The following PDE4D variants were observed in gnomAD, a reference collection of about 807,000 sequenced individuals.
PDE4D encodes the protein phosphodiesterase 4D.
A neutral mutation model predicts 87.4 loss-of-function variants in PDE4D; 24 were observed. The observed-to-expected ratio is 0.27, with a 90% confidence interval of 0.20 to 0.39. The LOEUF is 0.39. PDE4D is among the 10% of genes least tolerant of loss of function. The pLI, the probability that PDE4D is intolerant of heterozygous loss-of-function variation, is 1.00. For synonymous variants in PDE4D, 384 were observed against 383.2 expected (o/e 1.00, Z -0.02); for missense variants, 714 against 1,041.0 (o/e 0.69, Z 4.32).
chr5:59,766,654 G>C (rs1762835426), intron 1 of PDE4D, among the ~76,000 whole-genome samples: 1 of 152,196 alleles, frequency 6.6e-6, no homozygotes, highest in African/African-American at 2.4e-5. Flanking sequence ...CGGAAATTCT[G>C]GTCCTGGCTC....
chr5:60,422,940 G>C (rs987753866), intron 1 of PDE4D, among the ~76,000 whole-genome samples: 2 of 152,150 alleles, frequency 1.3e-5, no homozygotes, highest in Non-Finnish European at 2.9e-5. Flanking sequence ...GATCAGAAGA[G>C]ACAAAGAAAG....
upstream of PDE4D, among the ~76,000 whole-genome samples, chr5:60,492,729 C>T (rs1006195043): frequency 2.7e-4 from 41 of 151,892 alleles, no homozygotes; most frequent in African/African-American, 8.0e-4. Context: ...ACATCACACA[C>T]GAGGGCCTGT....
Position 59,488,166 on chromosome 5 carries a change from CAAAAAAA to C in PDE4D, c.456-272205_456-272199del, listed in dbSNP as rs529078753. ...TAAATCTTCTGACATCATCAAGAGC[CAAAAAAA>C]AAAAAAAAAAAAAAATGTGTAACTG... On this transcript the variant is annotated intron_variant, in intron 1 of 14. Transcript: ENST00000340635. Among the ~76,000 whole-genome samples, 518 of 107,330 alleles carry C rather than the reference CAAAAAAA, an allele frequency of 4.8e-3. 1 individual carries two copies. Among genetic ancestry groups the C allele is most frequent in the African/African-American group, 0.011 (353 of 32,832 alleles). 70.4% of individuals were successfully genotyped at this position (107,330 alleles called of 152,430 possible).
intron 1 of PDE4D, among the ~76,000 whole-genome samples, chr5:59,514,230 C>T (rs1247314925): frequency 2.6e-5 from 4 of 151,762 alleles, no homozygotes; most frequent in African/African-American, 4.8e-5. Flanking sequence ...CTCAGCCTCC[C>T]GAGTAGCTGG....
chr5:59,909,536 A>T (rs978185471), intron 3 of PDE4D, among the ~76,000 whole-genome samples: 2 of 152,004 alleles, frequency 1.3e-5, no homozygotes, highest in Admixed American at 1.3e-4. Flanking sequence ...GCGGGATTAC[A>T]GGCACACACC....
intron 3 of PDE4D, among the ~76,000 whole-genome samples, chr5:59,944,661 G>T (rs970750061): frequency 1.3e-5 from 2 of 151,480 alleles, no homozygotes; most frequent in East Asian, 3.9e-4. Context: ...GTGAGCCACC[G>T]CACCCAGCAG....
intron 1 of PDE4D, among the ~76,000 whole-genome samples, chr5:60,482,960 C>T (rs145153768): frequency 0.01 from 1,587 of 152,164 alleles, 21 homozygotes; most frequent in South Asian, 0.046. Context: ...TATATATTGT[C>T]AGTACATCCT....
At chr5:59,556,288 T>C (rs1333450372) in intron 1 of PDE4D, among the ~76,000 whole-genome samples, 2 of 152,298 alleles carry the variant, frequency 1.3e-5, no homozygotes, top group African/African-American at 4.8e-5. Context: ...TTACATTTTT[T>C]ATTCAAATTC....
chr5:60,228,046 A>G (rs1745338163), intron 1 of PDE4D, among the ~76,000 whole-genome samples: 1 of 151,966 alleles, frequency 6.6e-6, no homozygotes, highest in Non-Finnish European at 1.5e-5. Context: ...CCCATTGCCC[A>G]TCACTTTACT....
chr5:59,224,122 C>CAA (rs762239197), intron 1 of PDE4D, among the ~76,000 whole-genome samples: 981 of 21,868 alleles, frequency 0.045, 94 homozygotes, highest in Non-Finnish European at 0.073. Context: ...CCTGTTTCTA[C>CAA]AAAAAAAAAA....
chr5:60,341,105 A>G (rs1273154741), intron 1 of PDE4D, among the ~76,000 whole-genome samples: 2 of 151,932 alleles, frequency 1.3e-5, no homozygotes, highest in Non-Finnish European at 2.9e-5. Context: ...CAATATCTTG[A>G]AACTGTTCTG....
chr5:60,060,004 G>C (rs1771216638), intron 2 of PDE4D, among the ~76,000 whole-genome samples: 1 of 151,670 alleles, frequency 6.6e-6, no homozygotes, highest in Non-Finnish European at 1.5e-5. Context: ...TAGCTCATCA[G>C]GCATCTAAAG....
chr5:60,419,097 T>C (rs977198387), intron 1 of PDE4D, among the ~76,000 whole-genome samples: 3 of 152,188 alleles, frequency 2.0e-5, no homozygotes, highest in African/African-American at 7.2e-5. Flanking sequence ...TTTAACTAAG[T>C]AACAAATGTG....
intron 1 of PDE4D, among the ~76,000 whole-genome samples, chr5:59,264,328 C>A (rs563234049): frequency 6.6e-6 from 1 of 152,002 alleles, no homozygotes; most frequent in Admixed American, 6.6e-5. Context: ...TTAAACAATG[C>A]AGACTGTCTA....
intron 5 of PDE4D, among the ~76,000 whole-genome samples, chr5:59,171,992 T>A (rs367686106): frequency 6.7e-5 from 5 of 74,340 alleles, no homozygotes; most frequent in African/African-American, 3.7e-4. Context: ...TAAATATATA[T>A]TATATATATA....
chr5:60,175,344 T>A (rs1456718482), intron 2 of PDE4D, among the ~76,000 whole-genome samples: 2 of 152,178 alleles, frequency 1.3e-5, no homozygotes, highest in Non-Finnish European at 2.9e-5. Flanking sequence ...ACCTTTTCCT[T>A]TAGAACCTTT....
At chr5:59,324,331 T>A (rs1434784226) in intron 1 of PDE4D, among the ~76,000 whole-genome samples, 1 of 152,070 alleles carries the variant, frequency 6.6e-6, no homozygotes, top group Non-Finnish European at 1.5e-5. Context: ...CCAGTGAAAT[T>A]CAAATATCCA....
intron 1 of PDE4D, among the ~76,000 whole-genome samples, chr5:59,461,635 G>C (rs1485825972): frequency 6.6e-6 from 1 of 152,186 alleles, no homozygotes; most frequent in Non-Finnish European, 1.5e-5. Flanking sequence ...TTCCCCAGGA[G>C]TTGACTACCA....
At chr5:59,092,454 A>T (rs16889190) in intron 5 of PDE4D, among the ~76,000 whole-genome samples, 7,040 of 152,292 alleles carry the variant, frequency 0.046, 545 homozygotes, top group African/African-American at 0.16. Context: ...ACTAATTTGC[A>T]AACCTAAAAG....
Sources: gnomAD v4.1 joint callset for allele counts (sites outside exome capture counted in the v4.1 genomes callset) on GRCh38, gnomAD v4.1.1 for gene constraint, MANE v1.5 for transcripts, NCBI Gene and HGNC (gene_info 2026-07-23, HGNC 2026-07-21) for gene names.